Variants in SLC25A13 observed in about 807,000 individuals in gnomAD.
The protein encoded by SLC25A13 is solute carrier family 25 member 13.
SLC25A13 carries 70 observed loss-of-function variants against 85.5 expected under a neutral mutation model. The ratio of observed to expected loss-of-function variants is 0.82; its 90% CI spans 0.68 to 1.00. The LOEUF (loss-of-function observed/expected upper bound fraction) is 1.00, where lower values mean the gene tolerates loss of function less well. Ranked by LOEUF, SLC25A13 falls within the 50% of genes least tolerant of loss-of-function variation. The pLI, the probability that SLC25A13 is intolerant of heterozygous loss-of-function variation, is 0.00. For missense variants in SLC25A13, 765 were observed against 819.8 expected (o/e 0.93, Z 0.82); for synonymous variants, 259 against 288.7 (o/e 0.90, Z 1.04).
chr7:96,121,622 A>G (rs1791509309), intron 17 of SLC25A13, 33 bp downstream of exon 17: 1 of 1,609,062 alleles, frequency 6.2e-7, no homozygotes, highest in Admixed American at 1.7e-5. Context: ...AGCAGCAGCC[A>G]AAATTTAGCA....
intron 1 of SLC25A13, among the ~76,000 whole-genome samples, chr7:96,298,176 G>A (rs1237872780): frequency 1.3e-5 from 2 of 152,164 alleles, no homozygotes; most frequent in Non-Finnish European, 2.9e-5. Context: ...TATGCAAATT[G>A]TCCTAAATCC....
At chr7:96,250,420 TAACTC>T (rs1364609858) in intron 3 of SLC25A13, among the ~76,000 whole-genome samples, 1 of 152,206 alleles carries the variant, frequency 6.6e-6, no homozygotes, top group African/African-American at 2.4e-5. Context: ...TGTCTTTACT[TAACTC>T]TACGGCAGAA....
At chr7:96,250,265 T>C (rs969404994) in intron 3 of SLC25A13, among the ~76,000 whole-genome samples, 6 of 152,202 alleles carry the variant, frequency 3.9e-5, no homozygotes, top group African/African-American at 1.4e-4. Context: ...TCAATATGAA[T>C]TACATGTTCA....
chr7:96,131,832 A>G lies in SLC25A13; in HGVS notation c.1502T>C (p.Phe501Ser). The change falls in exon 15 of 18, where the codon TTT becomes TCT. Residue 501 changes from phenylalanine (F) to serine (S), a missense_variant. By Grantham distance (155) the Phe-to-Ser change is radical. Transcript: ENST00000265631. ...AGCCTTCACATGAGCATAGCACGGA[A>G]AGTAGATGGCCGAGAAAGGAATGTC... Reference protein sequence around the residue: ...LRDIPFSAIYFPCYAHVKASF... With the variant: ...LRDIPFSAIYSPCYAHVKASF... The G allele has an allele frequency of 6.2e-7, 1 of 1,614,124 alleles. No individual in the cohort carries two copies. The highest frequency in any genetic ancestry group is 1.1e-5 in the South Asian group (1 of 91,076).
chr7:96,174,378 C>A (rs1794133808), intron 11 of SLC25A13, among the ~76,000 whole-genome samples: 1 of 152,178 alleles, frequency 6.6e-6, no homozygotes, highest in Non-Finnish European at 1.5e-5. Flanking sequence ...AGCATTCTCT[C>A]CTAAACTATA....
At chr7:96,165,599 TATGAGGTG>T (rs1562808056) in intron 13 of SLC25A13, among the ~76,000 whole-genome samples, 1 of 152,208 alleles carries the variant, frequency 6.6e-6, no homozygotes, top group Non-Finnish European at 1.5e-5. Flanking sequence ...CTGGGAATCA[TATGAGGTG>T]TTCCTAGAGC....
At chr7:96,313,708 T>C (rs1020519177) in intron 1 of SLC25A13, among the ~76,000 whole-genome samples, 3 of 152,154 alleles carry the variant, frequency 2.0e-5, no homozygotes, top group Non-Finnish European at 4.4e-5. Flanking sequence ...AGCCTCAGCA[T>C]CATGCAATAT....
chr7:96,292,488 T>C (rs1312708829), intron 2 of SLC25A13, among the ~76,000 whole-genome samples: 3 of 152,204 alleles, frequency 2.0e-5, no homozygotes, highest in Admixed American at 6.5e-5. Context: ...GGAAGTCAAA[T>C]TGTCCTGTTT....
rs769186194 is a variant in SLC25A13 at position 96,189,577 on chromosome 7, T to C, written c.848+4A>G. ...CAAAAAAAAAAAAAAAAAAGCCAACTTACCCCCTTGGCTCATATAAATCTG... is the reference window on the plus strand; with the variant it reads ...CAAAAAAAAAAAAAAAAAAGCCAACCTACCCCCTTGGCTCATATAAATCTG... On this transcript the variant is annotated splice_donor_region_variant and intron_variant, in intron 8 of 17. Transcript: ENST00000265631. The C allele has an allele frequency of 6.5e-7, 1 of 1,549,264 alleles. No individual in the cohort carries two copies. The highest frequency in any genetic ancestry group is 1.1e-5 in the South Asian group (1 of 88,478).
chr7:96,120,489 G>A lies in SLC25A13; in HGVS notation c.*702C>T, dbSNP rs1245429954. Reference sequence around the variant, plus strand: ...TCATATGAGCAGTTTTTCAAAATTAGCACTTCCAGGAGAGGGGCTACATCT... The same window carrying A: ...TCATATGAGCAGTTTTTCAAAATTAACACTTCCAGGAGAGGGGCTACATCT... On this transcript the variant is annotated 3_prime_UTR_variant, in exon 18 of 18. Transcript: ENST00000265631. 4.4e-6 allele frequency: 2 copies of A among 454,354 alleles called. No individual in the cohort carries two copies. The highest frequency in any genetic ancestry group is 4.7e-5 in the Admixed American group (2 of 42,540). 28.1% of individuals were successfully genotyped at this position (454,354 alleles called of 1,614,324 possible).
chr7:96,137,148 A>T (rs1792321625), intron 14 of SLC25A13, among the ~76,000 whole-genome samples: 1 of 152,120 alleles, frequency 6.6e-6, no homozygotes, highest in African/African-American at 2.4e-5. Context: ...GGATGGTTAG[A>T]CCCCACCTAC....
chr7:96,155,834 T>C (rs1793241179), intron 13 of SLC25A13, among the ~76,000 whole-genome samples: 1 of 152,262 alleles, frequency 6.6e-6, no homozygotes, highest in South Asian at 2.1e-4. Context: ...CCCCCAATCA[T>C]GCTGACACAA....
chr7:96,133,386 G>A (rs1792119785), intron 14 of SLC25A13, among the ~76,000 whole-genome samples: 1 of 152,164 alleles, frequency 6.6e-6, no homozygotes, highest in Admixed American at 6.5e-5. Context: ...TCCTGGACAG[G>A]TAATCTATCG....
chr7:96,128,939 GCTCTCTCTCTCTCTCT>G (rs58984088), intron 15 of SLC25A13, among the ~76,000 whole-genome samples: 22 of 81,902 alleles, frequency 2.7e-4, no homozygotes, highest in South Asian at 1.6e-3. Flanking sequence ...TGCCTTGCTT[GCTCTCTCTCTCTCTCT>G]CTCTCTCTCT....
chr7:96,295,374 T>A (rs987497259), intron 2 of SLC25A13, among the ~76,000 whole-genome samples: 5 of 151,798 alleles, frequency 3.3e-5, no homozygotes, highest in Admixed American at 6.6e-5. Context: ...GAAAAGAAAA[T>A]TTTTCAAACA....
intron 4 of SLC25A13, among the ~76,000 whole-genome samples, chr7:96,229,733 A>G: frequency 6.6e-6 from 1 of 152,184 alleles, no homozygotes; most frequent in East Asian, 1.9e-4. Flanking sequence ...ACTCACAGCG[A>G]AAGTCTGCAG....
intron 13 of SLC25A13, among the ~76,000 whole-genome samples, chr7:96,160,831 C>T (rs1793479602): frequency 6.6e-6 from 1 of 152,166 alleles, no homozygotes; most frequent in Admixed American, 6.5e-5. Context: ...GAAAGAGCCT[C>T]TCATTGGAGT....
intron 2 of SLC25A13, among the ~76,000 whole-genome samples, chr7:96,277,946 T>G (rs575862651): frequency 8.5e-5 from 13 of 152,140 alleles, no homozygotes; most frequent in Non-Finnish European, 1.3e-4. Context: ...CGTGTCATCT[T>G]GGGCAATCTT....
chr7:96,182,857 A>C (rs1794472621), intron 11 of SLC25A13, among the ~76,000 whole-genome samples: 1 of 152,234 alleles, frequency 6.6e-6, no homozygotes, highest in Non-Finnish European at 1.5e-5. Flanking sequence ...ATACCAAGAA[A>C]AGCCCAAAAA....
Sources: allele counts gnomAD v4.1 joint callset (sites outside exome capture counted in the v4.1 genomes callset), GRCh38; gene constraint gnomAD v4.1.1; transcripts MANE v1.5; gene names NCBI Gene and HGNC (gene_info 2026-07-23, HGNC 2026-07-21).